The following INO80D variants were observed in gnomAD, a reference collection of about 807,000 sequenced individuals.
INO80D encodes the protein INO80 complex subunit D.
Under a neutral mutation model 87.6 loss-of-function variants are expected in INO80D, and 21 were observed. That is an observed-to-expected ratio of 0.24 (90% CI 0.17 to 0.35). INO80D has a LOEUF of 0.35. Ranked by LOEUF, INO80D falls within the 10% of genes least tolerant of loss-of-function variation. The pLI is 1.00. For synonymous variants in INO80D, 440 were observed against 491.0 expected (o/e 0.90, Z 1.37); for missense variants, 982 against 1,280.7 (o/e 0.77, Z 3.56).
chr2:206,001,846 C>CA lies in INO80D; in HGVS notation c.*2521dup, dbSNP rs1453588434. On this transcript the variant is annotated 3_prime_UTR_variant, in exon 11 of 11. Coordinates refer to ENST00000403263, the MANE Select transcript of INO80D (RefSeq NM_017759.5). ...GCATCCAAACGAAAATGTATTTACT[C>CA]AAAGTTTTTGGTGTGAAGCTGTAAC... 2 of 152,184 alleles carry CA rather than the reference C, an allele frequency of 1.3e-5. No homozygotes were observed. Among genetic ancestry groups the CA allele is most frequent in the African/African-American group, 2.4e-5 (1 of 41,436 alleles). The allele number at this position is 152,184 out of a possible 1,614,324, so 9.4% of individuals were successfully genotyped here.
intron 5 of INO80D, among the ~76,000 whole-genome samples, chr2:206,035,449 C>A (rs1688868580): frequency 6.6e-6 from 1 of 152,094 alleles, no homozygotes; most frequent in Non-Finnish European, 1.5e-5. Flanking sequence ...ATACTTACAT[C>A]CAACTAATCT....
At chr2:206,067,862 G>A (rs961041409) in intron 1 of INO80D, among the ~76,000 whole-genome samples, 1 of 152,060 alleles carries the variant, frequency 6.6e-6, no homozygotes, top group Admixed American at 6.5e-5. Flanking sequence ...CTGAGGGCAG[G>A]GATGGAAGGA....
chr2:206,080,069 A>G (rs1468931043), intron 1 of INO80D, among the ~76,000 whole-genome samples: 1 of 152,182 alleles, frequency 6.6e-6, no homozygotes, highest in Non-Finnish European at 1.5e-5. Context: ...TAACATTCAC[A>G]TTGGCATTGT....
At chr2:206,032,702 T>A (rs1208440419) in intron 5 of INO80D, among the ~76,000 whole-genome samples, 3 of 152,160 alleles carry the variant, frequency 2.0e-5, no homozygotes, top group Non-Finnish European at 2.9e-5. Flanking sequence ...GCCAAGAATT[T>A]TGTATCAAGC....
intron 5 of INO80D, among the ~76,000 whole-genome samples, chr2:206,035,277 T>G (rs1189630874): frequency 6.6e-6 from 1 of 151,930 alleles, no homozygotes; most frequent in Non-Finnish European, 1.5e-5. Flanking sequence ...GCAGCCCACA[T>G]AGCCAACACA....
At position 206,004,992 on chromosome 2, in the gene INO80D, G is replaced by A; in HGVS notation, c.2460C>T (p.His820=). 2 of 1,614,006 alleles carry A rather than the reference G, an allele frequency of 1.2e-6. No homozygotes were observed. The highest frequency in any genetic ancestry group is 1.7e-6 in the Non-Finnish European group (2 of 1,179,886). The part of the protein sequence containing the change: ...ITSRQQYSSD[H]SHSSPHGSHY... Reference sequence around the variant, plus strand: ...GGCTTCCATGGGGTGAGGAGTGTGAGTGATCACTGCTGTATTGCTGTCGTG... The same window carrying A: ...GGCTTCCATGGGGTGAGGAGTGTGAATGATCACTGCTGTATTGCTGTCGTG... The change falls in exon 11 of 11, where the codon CAC becomes CAT. Residue 820 remains histidine, a synonymous_variant. Coordinates refer to ENST00000403263, the MANE Select transcript of INO80D (RefSeq NM_017759.5). The surrounding 1 kb of genome is among the most constrained non-coding windows in gnomAD (Gnocchi z 4.9).
intron 6 of INO80D, among the ~76,000 whole-genome samples, chr2:206,026,179 G>A (rs1688610812): frequency 6.6e-6 from 1 of 152,074 alleles, no homozygotes; most frequent in African/African-American, 2.4e-5. Context: ...GATTACAGGT[G>A]TGAGCCACTG....
chr2:206,080,761 G>GTACACACTA (rs35792873), intron 1 of INO80D, among the ~76,000 whole-genome samples: 18 of 151,818 alleles, frequency 1.2e-4, no homozygotes, highest in Non-Finnish European at 2.2e-4. Context: ...GAAAAAATTA[G>GTACACACTA]CCGGGTGTGC....
At chr2:206,043,398 C>T (rs1389946087) in intron 5 of INO80D, among the ~76,000 whole-genome samples, 1 of 152,054 alleles carries the variant, frequency 6.6e-6, no homozygotes, top group Non-Finnish European at 1.5e-5. Context: ...TCTCGAACTC[C>T]TGACCTCATG....
At position 206,062,670 on chromosome 2, in the gene INO80D, T is replaced by G; in HGVS notation, c.218+129A>C. The G allele has an allele frequency of 1.3e-6, 1 of 754,248 alleles. No homozygotes were observed. Among genetic ancestry groups the G allele is most frequent in the Non-Finnish European group, 2.2e-6 (1 of 463,906 alleles). The allele number at this position is 754,248 out of a possible 1,614,324, so 46.7% of individuals were successfully genotyped here. Reference sequence around the variant, plus strand: ...CTTAGATTACCCCCAGAATTCAACATTTATATAGGTGGAGGAAGGGAGGGA... The same window carrying G: ...CTTAGATTACCCCCAGAATTCAACAGTTATATAGGTGGAGGAAGGGAGGGA... On this transcript the variant is annotated intron_variant, in intron 3 of 10. Coordinates refer to ENST00000403263, the MANE Select transcript of INO80D (RefSeq NM_017759.5). This position sits in a 1 kb window ranked among gnomAD's most constrained non-coding sequence, Gnocchi z 4.6.
intron 1 of INO80D, among the ~76,000 whole-genome samples, chr2:206,067,891 C>A (rs755691669): frequency 6.6e-6 from 1 of 151,916 alleles, no homozygotes; most frequent in African/African-American, 2.4e-5. Context: ...TGCAGTGTGC[C>A]GAGATCGTGC....
intron 1 of INO80D, among the ~76,000 whole-genome samples, chr2:206,076,091 T>A (rs1575891523): frequency 6.7e-6 from 1 of 148,574 alleles, no homozygotes; most frequent in South Asian, 2.1e-4. Flanking sequence ...CTGGGCACAG[T>A]GGCTCATACC....
chr2:206,036,105 G>C (rs998247118), intron 5 of INO80D, among the ~76,000 whole-genome samples: 3 of 152,124 alleles, frequency 2.0e-5, no homozygotes, highest in African/African-American at 4.8e-5. Flanking sequence ...TGTTGGCATG[G>C]ATGTGGTGAT....
intron 5 of INO80D, among the ~76,000 whole-genome samples, chr2:206,035,807 A>G (rs1396178185): frequency 6.6e-6 from 1 of 152,218 alleles, no homozygotes; most frequent in African/African-American, 2.4e-5. Flanking sequence ...AGAGTGGGAG[A>G]AACTCTTCAC....
At chr2:206,013,664 G>A (rs924623830) in intron 8 of INO80D, among the ~76,000 whole-genome samples, 4 of 151,892 alleles carry the variant, frequency 2.6e-5, no homozygotes, top group Admixed American at 2.6e-4. Flanking sequence ...CAGTATCTTA[G>A]AAGTATGCCG....
chr2:206,041,072 C>G (rs1368451035), intron 5 of INO80D, among the ~76,000 whole-genome samples: 1 of 152,054 alleles, frequency 6.6e-6, no homozygotes, highest in African/African-American at 2.4e-5. Context: ...AACCCTACAA[C>G]AGCTACTACA....
At position 206,026,090 on chromosome 2, in the gene INO80D, G is replaced by T. The variant is rs149841403; in HGVS notation, c.1298+2021C>A. On this transcript the variant is annotated intron_variant, in intron 6 of 10. Transcript: ENST00000403263. ...TTTTTGTATTTTTTAGTAGAGATGG[G>T]GTCTCATCACGTTGTCCAGGCTAAT... Among the ~76,000 whole-genome samples the T allele has an allele frequency of 8.6e-3, 1,299 of 151,838 alleles. 22 individuals are homozygous for T. The highest frequency in any genetic ancestry group is 0.012 in the Non-Finnish European group (805 of 67,934).
At chr2:206,032,584 C>T (rs1688797123) in intron 5 of INO80D, among the ~76,000 whole-genome samples, 1 of 152,148 alleles carries the variant, frequency 6.6e-6, no homozygotes, top group Non-Finnish European at 1.5e-5. Context: ...CACCAGATAA[C>T]CTATAAAGAA....
chr2:206,012,854 G>A (rs1438776982), intron 8 of INO80D, among the ~76,000 whole-genome samples: 13 of 130,948 alleles, frequency 9.9e-5, no homozygotes, highest in Non-Finnish European at 1.3e-4. Flanking sequence ...GGGTGACAAA[G>A]AGAGACTTGT....
Sources: allele counts gnomAD v4.1 joint callset (sites outside exome capture counted in the v4.1 genomes callset), GRCh38; gene constraint gnomAD v4.1.1; non-coding constraint Gnocchi (gnomAD v3.1); transcripts MANE v1.5; gene names NCBI Gene and HGNC (gene_info 2026-07-23, HGNC 2026-07-21).